The following USP34 variants were observed in gnomAD, a reference collection of about 807,000 sequenced individuals.
USP34 encodes the protein ubiquitin carboxyl-terminal hydrolase 34.
USP34 carries 70 observed loss-of-function variants against 460.3 expected under a neutral mutation model. That is an observed-to-expected ratio of 0.15 (90% CI 0.13 to 0.19). USP34 has a LOEUF of 0.19. Ranked by LOEUF, USP34 falls within the 10% of genes least tolerant of loss-of-function variation. The pLI is 1.00. For synonymous variants in USP34, 1,647 were observed against 1,405.3 expected (o/e 1.17, Z -3.85); for missense variants, 3,985 against 4,236.2 (o/e 0.94, Z 1.65).
chr2:61,245,337 T>C, intron 50 of USP34, 49 bp from the exon 51 acceptor site: 1 of 1,077,350 alleles, frequency 9.3e-7, no homozygotes, highest in Non-Finnish European at 1.3e-6. Flanking sequence ...AATGAGTATC[T>C]TCATATTATG....
intron 29 of USP34, 137 bp from the exon 30 acceptor site, chr2:61,297,062 ATT>A (rs1268892469): frequency 3.5e-6 from 4 of 1,138,980 alleles, no homozygotes; most frequent in Non-Finnish European, 4.9e-6. Context: ...GAAATGAAAC[ATT>A]TGTTATATGA....
chr2:61,285,097 A>G (rs1161681018), intron 34 of USP34, 140 bp from the exon 35 acceptor site: 10 of 597,294 alleles, frequency 1.7e-5, no homozygotes, highest in Non-Finnish European at 2.6e-5. Context: ...ATATTTATCT[A>G]TAACACAATA....
intron 21 of USP34, among the ~76,000 whole-genome samples, chr2:61,320,560 A>G (rs1403065764): frequency 3.3e-5 from 5 of 152,216 alleles, no homozygotes; most frequent in African/African-American, 1.2e-4. Flanking sequence ...TTTATATAAA[A>G]GTGTATAAAA....
At chr2:61,225,775 C>T (rs1336300934) in intron 62 of USP34, among the ~76,000 whole-genome samples, 14 of 152,130 alleles carry the variant, frequency 9.2e-5, no homozygotes, top group Admixed American at 8.5e-4. Flanking sequence ...ATGAGTGTTT[C>T]TGTTAAAGAT....
chr2:61,319,136 T>C (rs374355725), intron 22 of USP34, 37 bp downstream of exon 22: 16 of 1,514,858 alleles, frequency 1.1e-5, no homozygotes, highest in African/African-American at 8.7e-5. Flanking sequence ...AAAGGGAACA[T>C]GGAAAAATAA....
chr2:61,293,033 C>G (rs1689910416), intron 33 of USP34, among the ~76,000 whole-genome samples: 1 of 151,974 alleles, frequency 6.6e-6, no homozygotes, highest in African/African-American at 2.4e-5. Flanking sequence ...CTATATCCAT[C>G]TCAATGTAAG....
chr2:61,372,863 C>T (rs141363627), intron 8 of USP34, among the ~76,000 whole-genome samples: 1 of 152,002 alleles, frequency 6.6e-6, no homozygotes, highest in Non-Finnish European at 1.5e-5. Flanking sequence ...ATTTCAATAC[C>T]CCAAACTTCC....
At chr2:61,444,267 AG>A (rs1156948802) in intron 1 of USP34, among the ~76,000 whole-genome samples, 2 of 152,180 alleles carry the variant, frequency 1.3e-5, no homozygotes, top group African/African-American at 4.8e-5. Context: ...TCTATTAAAA[AG>A]AAAAAACTCA....
At chr2:61,435,407 G>A (rs1553390704) in intron 1 of USP34, among the ~76,000 whole-genome samples, 1 of 146,304 alleles carries the variant, frequency 6.8e-6, no homozygotes, top group Non-Finnish European at 1.5e-5. Context: ...TTTCTCAGCA[G>A]AATCCTTACA....
chr2:61,224,384 T>C (rs1166793840), intron 62 of USP34, among the ~76,000 whole-genome samples: 1 of 152,164 alleles, frequency 6.6e-6, no homozygotes, highest in African/African-American at 2.4e-5. Context: ...CCAGACTTGA[T>C]GAGATCTAGG....
intron 10 of USP34, among the ~76,000 whole-genome samples, chr2:61,363,524 G>A (rs967022019): frequency 6.6e-6 from 1 of 152,116 alleles, no homozygotes; most frequent in Non-Finnish European, 1.5e-5. Flanking sequence ...AATACTGTAG[G>A]CAACTGTAAC....
At chr2:61,296,662 G>A (rs1690040027) in intron 30 of USP34, 138 bp downstream of exon 30, 1 of 744,708 alleles carries the variant, frequency 1.3e-6, no homozygotes, top group East Asian at 2.9e-5. Flanking sequence ...AAATGCAGTG[G>A]CACTTTTTAC....
At chr2:61,314,524 T>A (rs1377541590) in intron 25 of USP34, 61 bp downstream of exon 25, 42 of 1,343,642 alleles carry the variant, frequency 3.1e-5, no homozygotes, top group South Asian at 2.3e-4. Flanking sequence ...TAAGAATATT[T>A]CTGGATATGT....
chr2:61,287,566 C>G (rs777082735), intron 34 of USP34, among the ~76,000 whole-genome samples: 1 of 152,190 alleles, frequency 6.6e-6, no homozygotes, highest in Non-Finnish European at 1.5e-5. Context: ...TCCTCCTCTT[C>G]TACTTCCTGA....
At position 61,276,490 on chromosome 2, in the gene USP34, C is replaced by T. The variant is rs193149510; in HGVS notation, c.5433+1675G>A. On this transcript the variant is annotated intron_variant, in intron 41 of 79. Transcript: ENST00000398571. The stretch of plus-strand genomic sequence containing the variant: ...TCTATAAATATGAATTTTATACATG[C>T]GTATTTACTGTATCCATGAAAAGTC... Among the ~76,000 whole-genome samples the T allele has an allele frequency of 5.3e-5, 8 of 152,062 alleles. No individual in the cohort carries two copies. In the East Asian group the frequency reaches 7.7e-4, roughly 15 times the overall value.
chr2:61,429,697 AC>A (rs1694611470), intron 1 of USP34, among the ~76,000 whole-genome samples: 2 of 152,228 alleles, frequency 1.3e-5, no homozygotes, highest in African/African-American at 4.8e-5. Context: ...TGATGCACCA[AC>A]AAGCAACATG....
Position 61,409,012 on chromosome 2 carries a change from G to A in USP34, c.132-2884C>T, listed in dbSNP as rs554872218. Among the ~76,000 whole-genome samples, 239 of 151,914 alleles carry A rather than the reference G, an allele frequency of 1.6e-3. 1 individual carries two copies. The highest frequency in any genetic ancestry group is 1.9e-3 in the Non-Finnish European group (126 of 67,942). On this transcript the variant is annotated intron_variant, in intron 2 of 79. Coordinates refer to ENST00000398571, the MANE Select transcript of USP34 (RefSeq NM_014709.4). Reference sequence around the variant, plus strand: ...AAGTGGGCAGATGACTAGAGGCCAGGAGTTCAAGACCAGCCTGACCAATAC... The same window carrying A: ...AAGTGGGCAGATGACTAGAGGCCAGAAGTTCAAGACCAGCCTGACCAATAC...
chr2:61,242,433 G>C (rs145417645), intron 51 of USP34, among the ~76,000 whole-genome samples: 1 of 134,344 alleles, frequency 7.4e-6, no homozygotes, highest in South Asian at 2.6e-4. Context: ...TCAGAAAAAG[G>C]TAAGAGTCAA....
In USP34 at chr2:61,429,596, G is replaced by T. The variant is rs548688477; in HGVS notation, c.44-8763C>A. 3.3e-5 allele frequency among the ~76,000 whole-genome samples: 5 copies of T among 152,076 alleles called. No individual in the cohort carries two copies. The East Asian group carries it at 7.7e-4, about 24-fold the overall frequency. ...GAGCTATAATGGCACCACATGACAG[G>T]TAACAGGGCAAGACTACCTCAAAAA... On this transcript the variant is annotated intron_variant, in intron 1 of 79. Transcript: ENST00000398571.
Sources: allele counts gnomAD v4.1 joint callset (sites outside exome capture counted in the v4.1 genomes callset), GRCh38; gene constraint gnomAD v4.1.1; transcripts MANE v1.5; gene names NCBI Gene and HGNC (gene_info 2026-07-23, HGNC 2026-07-21).